SHISA9: variants seen among roughly 807,000 people sequenced by gnomAD.
The protein encoded by SHISA9 is shisa family member 9.
Under a neutral mutation model 38.0 loss-of-function variants are expected in SHISA9, and 13 were observed. The ratio of observed to expected loss-of-function variants is 0.34; its 90% CI spans 0.22 to 0.54. SHISA9 has a LOEUF of 0.54. Ranked by LOEUF, SHISA9 falls within the 20% of genes least tolerant of loss-of-function variation. The pLI is 0.91. For missense variants in SHISA9, 538 were observed against 575.8 expected (o/e 0.93, Z 0.67); for synonymous variants, 275 against 242.0 (o/e 1.14, Z -1.27).
intron 2 of SHISA9, among the ~76,000 whole-genome samples, chr16:13,014,970 A>G (rs961093769): frequency 1.3e-5 from 2 of 152,238 alleles, no homozygotes; most frequent in African/African-American, 4.8e-5. Context: ...AATGTCCAGC[A>G]GAGGGTTGGA....
intron 2 of SHISA9, among the ~76,000 whole-genome samples, chr16:13,081,187 G>C (rs114416641): frequency 6.6e-6 from 1 of 152,188 alleles, no homozygotes; most frequent in Non-Finnish European, 1.5e-5. Context: ...AGTTTTTGCT[G>C]TACCTAGGGA....
At chr16:13,421,211 C>A in the SHISA9 span, among the ~76,000 whole-genome samples, 2 of 66,672 alleles carry the variant, frequency 3.0e-5, no homozygotes, top group Admixed American at 4.4e-4. Context: ...TGTGTTATTA[C>A]TGACAAGTAC....
At chr16:13,414,229 AC>A in the SHISA9 span, among the ~76,000 whole-genome samples, 1 of 152,118 alleles carries the variant, frequency 6.6e-6, no homozygotes. Flanking sequence ...AGGAAAACAA[AC>A]CCTATGCCAC....
intron 2 of SHISA9, among the ~76,000 whole-genome samples, chr16:13,095,678 C>T (rs1404784832): frequency 3.3e-5 from 5 of 152,220 alleles, no homozygotes; most frequent in Admixed American, 6.5e-5. Context: ...CACTGCACAA[C>T]GAGTTCCATA....
chr16:13,490,125 G>A, the SHISA9 span, among the ~76,000 whole-genome samples: 33 of 152,310 alleles, frequency 2.2e-4, no homozygotes, highest in African/African-American at 7.7e-4. Flanking sequence ...ATGTTTGGCT[G>A]CAGCTGAGTT....
chr16:13,365,981 A>G, the SHISA9 span, among the ~76,000 whole-genome samples: 20 of 152,204 alleles, frequency 1.3e-4, no homozygotes, highest in African/African-American at 4.8e-4. Flanking sequence ...ATCTCATAGA[A>G]AATAAAAGCT....
At chr16:13,459,856 C>A in the SHISA9 span, among the ~76,000 whole-genome samples, 35 of 152,296 alleles carry the variant, frequency 2.3e-4, no homozygotes, top group Middle Eastern at 3.4e-3. Flanking sequence ...GGAAAAGAAA[C>A]AAGTGTGTAT....
the SHISA9 span, among the ~76,000 whole-genome samples, chr16:13,453,020 T>A: frequency 6.6e-6 from 1 of 151,922 alleles, no homozygotes; most frequent in South Asian, 2.1e-4. Flanking sequence ...GCGATTCTCC[T>A]ACCTCAGCCT....
chr16:13,088,972 T>C (rs1218237128), intron 2 of SHISA9, among the ~76,000 whole-genome samples: 1 of 152,222 alleles, frequency 6.6e-6, no homozygotes, highest in African/African-American at 2.4e-5. Context: ...CTTATTATTT[T>C]GAGATACGTT....
chr16:13,001,016 G>A (rs551474699), intron 2 of SHISA9, among the ~76,000 whole-genome samples: 5 of 152,172 alleles, frequency 3.3e-5, no homozygotes, highest in South Asian at 4.2e-4. Context: ...CCAACTCCGC[G>A]TCCCAGGTTC....
chr16:13,342,092 A>G, the SHISA9 span, among the ~76,000 whole-genome samples: 5 of 152,170 alleles, frequency 3.3e-5, no homozygotes, highest in Admixed American at 1.3e-4. Flanking sequence ...TTAAGCTGCC[A>G]TGGTCTGTCT....
the SHISA9 span, among the ~76,000 whole-genome samples, chr16:13,297,369 G>T: frequency 6.6e-6 from 1 of 152,162 alleles, no homozygotes; most frequent in Non-Finnish European, 1.5e-5. Context: ...TTAGGAAATT[G>T]AAACAAACTT....
At chr16:12,931,588 T>C (rs1421936275) in intron 2 of SHISA9, among the ~76,000 whole-genome samples, 3 of 152,252 alleles carry the variant, frequency 2.0e-5, no homozygotes, top group South Asian at 2.1e-4. Context: ...GGCCTCCAGC[T>C]GCATCCATGT....
chr16:13,289,965 T>C, the SHISA9 span, among the ~76,000 whole-genome samples: 772 of 152,308 alleles, frequency 5.1e-3, 8 homozygotes, highest in African/African-American at 0.018. Context: ...AATTTGAGAA[T>C]ATAGGGTTAA....
chr16:13,356,621 G>A, the SHISA9 span, among the ~76,000 whole-genome samples: 1 of 152,138 alleles, frequency 6.6e-6, no homozygotes. Flanking sequence ...GTGAGGAGCA[G>A]CCTGGGGAGG....
intron 2 of SHISA9, among the ~76,000 whole-genome samples, chr16:13,090,651 C>T (rs921902719): frequency 5.9e-5 from 9 of 152,132 alleles, no homozygotes; most frequent in African/African-American, 2.2e-4. Flanking sequence ...TTTCCATTTG[C>T]TTGATAGATC....
At chr16:13,217,545 G>A (rs2051182461) in intron 4 of SHISA9, among the ~76,000 whole-genome samples, 1 of 152,034 alleles carries the variant, frequency 6.6e-6, no homozygotes, top group Non-Finnish European at 1.5e-5. Context: ...CATGCTCCAC[G>A]CTCCCATTTC....
At chr16:13,125,046 G>A (rs1000912189) in intron 2 of SHISA9, among the ~76,000 whole-genome samples, 7 of 152,084 alleles carry the variant, frequency 4.6e-5, no homozygotes, top group African/African-American at 1.7e-4. Context: ...TCTCCAGGAC[G>A]TTGAAGTGGG....
At chr16:13,484,269 A>G in the SHISA9 span, among the ~76,000 whole-genome samples, 10 of 152,206 alleles carry the variant, frequency 6.6e-5, no homozygotes, top group Admixed American at 1.3e-4. Flanking sequence ...TTCCGAAACA[A>G]GTGTGATAAA....
Sources: allele counts gnomAD v4.1 joint callset (sites outside exome capture counted in the v4.1 genomes callset), GRCh38; gene constraint gnomAD v4.1.1; transcripts MANE v1.5; gene names NCBI Gene and HGNC (gene_info 2026-07-23, HGNC 2026-07-21).